SLC26A8: variants seen among roughly 807,000 people sequenced by gnomAD.
SLC26A8 encodes the protein testis anion transporter 1.
In SLC26A8, 70 loss-of-function variants were observed where a neutral mutation model predicts 105.0. The ratio of observed to expected loss-of-function variants is 0.67; its 90% CI spans 0.55 to 0.81. The LOEUF (loss-of-function observed/expected upper bound fraction) is 0.81. Among genes scored for constraint, SLC26A8 ranks in the 40% least tolerant of loss-of-function variants. SLC26A8 has a pLI of 0.00. For missense variants in SLC26A8, 998 were observed against 1,181.8 expected, an observed-to-expected ratio of 0.84 and a Z score of 2.28; for synonymous variants, 415 against 438.3, an observed-to-expected ratio of 0.95 and a Z score of 0.66.
At chr6:35,951,610 C>G in intron 17 of SLC26A8, 111 bp from the exon 18 acceptor site, 51 of 1,078,752 alleles carry the variant, frequency 4.7e-5, no homozygotes, top group Middle Eastern at 2.4e-4. Context: ...GACAGAGTCT[C>G]ACTCTGTCAC....
Position 35,997,741 on chromosome 6 carries a change from A to C in SLC26A8, c.624T>G (p.Ile208Met). The C allele has an allele frequency of 6.2e-7, 1 of 1,614,046 alleles. No individual in the cohort carries two copies. Among genetic ancestry groups the C allele is most frequent in the Non-Finnish European group, 8.5e-7 (1 of 1,179,968 alleles). The change falls in exon 5 of 20, where the codon ATT (isoleucine) becomes ATG (methionine). Residue 208 changes from isoleucine (I) to methionine (M), a missense_variant. Transcript: ENST00000490799. ...VATTTFLTGI[I>M]QLIMGVLGLG... ...GATTTGAAGACTCAGATCCTACCTG[A>C]ATAATCCCAGTCAGAAAAGTTGTGG...
At chr6:36,016,086 C>T (rs367731375) in intron 2 of SLC26A8, among the ~76,000 whole-genome samples, 4 of 151,916 alleles carry the variant, frequency 2.6e-5, no homozygotes, top group African/African-American at 7.3e-5. Context: ...CTCTGCCTCC[C>T]GGATTCAAGC....
chr6:35,987,094 G>A (rs1306907537), intron 7 of SLC26A8, among the ~76,000 whole-genome samples: 1 of 152,152 alleles, frequency 6.6e-6, no homozygotes, highest in Non-Finnish European at 1.5e-5. Flanking sequence ...CATTCAAAGG[G>A]AAAAGAATAT....
chr6:35,964,838 G>A (rs1772443686), intron 11 of SLC26A8, among the ~76,000 whole-genome samples: 1 of 150,502 alleles, frequency 6.6e-6, no homozygotes, highest in Non-Finnish European at 1.5e-5. Context: ...GTAGTGGCGT[G>A]CACCTGTAAT....
intron 16 of SLC26A8, among the ~76,000 whole-genome samples, chr6:35,957,356 A>G (rs1449420528): frequency 1.3e-5 from 2 of 152,080 alleles, no homozygotes; most frequent in Admixed American, 6.6e-5. Flanking sequence ...TTATTCTAAC[A>G]ATGTTGCTTG....
intron 2 of SLC26A8, among the ~76,000 whole-genome samples, chr6:36,013,577 C>T (rs1761921015): frequency 6.6e-6 from 1 of 152,156 alleles, no homozygotes; most frequent in African/African-American, 2.4e-5. Flanking sequence ...TTTTCTGGTC[C>T]AAAATGTCAA....
At chr6:35,949,815 T>C (rs975361830) in intron 19 of SLC26A8, among the ~76,000 whole-genome samples, 1 of 151,552 alleles carries the variant, frequency 6.6e-6, no homozygotes, top group Non-Finnish European at 1.5e-5. Flanking sequence ...GTGTGTTTTT[T>C]TGTTTTTTTT....
rs890309575 is a variant in SLC26A8 at position 35,981,809 on chromosome 6, G to A, written c.1025+312C>T. Among the ~76,000 whole-genome samples, 1 of 152,160 alleles carries A rather than the reference G, an allele frequency of 6.6e-6. No homozygotes were observed. Among genetic ancestry groups the A allele is most frequent in the Non-Finnish European group, 1.5e-5 (1 of 68,032 alleles). On this transcript the variant is annotated intron_variant, in intron 8 of 19. Transcript: ENST00000490799. This position sits in a 1 kb window ranked among gnomAD's most constrained non-coding sequence, Gnocchi z 4.0. Reference sequence around the variant, plus strand: ...TTGTCCACCCCTTGAGAATTAATCAGAGAGGTATAGTAGTTGAGAAGGCCT... The same window carrying A: ...TTGTCCACCCCTTGAGAATTAATCAAAGAGGTATAGTAGTTGAGAAGGCCT...
chr6:35,955,625 C>T (rs1442509260), intron 16 of SLC26A8, 105 bp from the exon 17 acceptor site: 3 of 1,418,314 alleles, frequency 2.1e-6, no homozygotes, highest in African/African-American at 2.9e-5. Flanking sequence ...GTCCCTCTCT[C>T]ATGAAACTTC....
At position 35,955,431 on chromosome 6, in the gene SLC26A8, G is replaced by A. The variant is rs755107983; in HGVS notation, c.1953C>T (p.Asn651=). Residue 651 remains asparagine (N), a synonymous_variant, in exon 17 of 20, where the codon AAC becomes AAT. Coordinates refer to ENST00000490799, the MANE Select transcript of SLC26A8 (RefSeq NM_052961.4). ...GGTCTTCGGATGCAGTTTGGCTTGTGTTCATGCTCTCAAAATGTGAGCAGT... is the reference window on the plus strand; with the variant it reads ...GGTCTTCGGATGCAGTTTGGCTTGTATTCATGCTCTCAAAATGTGAGCAGT... ...LIHCSHFESM[N]TSQTASEDQV... The A allele has an allele frequency of 1.9e-6, 3 of 1,614,106 alleles. No individual in the cohort carries two copies. In the Admixed American group the frequency reaches 5.0e-5, roughly 27 times the overall value.
At position 35,968,611 on chromosome 6, in the gene SLC26A8, ATATATATATATATATATATATATAT is replaced by A. The variant is rs1772637128; in HGVS notation, c.1365+241_1365+265del. 2.5e-4 allele frequency among the ~76,000 whole-genome samples: 11 copies of A among 44,116 alleles called. 1 individual carries two copies. The highest frequency in any genetic ancestry group is 1.3e-3 in the Admixed American group (5 of 3,730). The allele number at this position is 44,116 out of a possible 152,430, so 28.9% of individuals were successfully genotyped here. ...TGTATGTGTGTGTGTGTGTGTGTGT[ATATATATATATATATATATATATAT>A]ATATATATATATATATATCTCACAT... On this transcript the variant is annotated intron_variant, in intron 11 of 19. Coordinates refer to ENST00000490799, the MANE Select transcript of SLC26A8 (RefSeq NM_052961.4).
At chr6:36,015,363 G>A (rs149561454) in intron 2 of SLC26A8, among the ~76,000 whole-genome samples, 184 of 152,174 alleles carry the variant, frequency 1.2e-3, no homozygotes, top group African/African-American at 3.8e-3. Context: ...TGCCTGCCTC[G>A]GCCTCCCAGA....
chr6:35,953,097 C>A (rs1161586439), intron 17 of SLC26A8, among the ~76,000 whole-genome samples: 1 of 149,754 alleles, frequency 6.7e-6, no homozygotes, highest in Non-Finnish European at 1.5e-5. Context: ...AGAATGATTT[C>A]TTCCAATAAG....
At chr6:35,990,458 T>C (rs1011283927) in intron 7 of SLC26A8, 13 of 155,060 alleles carry the variant, frequency 8.4e-5, no homozygotes, top group Non-Finnish European at 1.6e-4. Flanking sequence ...CTTTGGCCCT[T>C]TGCCTGTTAT....
intron 5 of SLC26A8, among the ~76,000 whole-genome samples, chr6:35,994,275 C>T (rs1015629163): frequency 2.0e-5 from 3 of 151,234 alleles, no homozygotes; most frequent in Admixed American, 6.6e-5. Flanking sequence ...CCACCAAGCC[C>T]GGCTAATTTT....
chr6:36,020,138 C>T (rs1762095139), intron 1 of SLC26A8, among the ~76,000 whole-genome samples: 1 of 152,228 alleles, frequency 6.6e-6, no homozygotes, highest in Non-Finnish European at 1.5e-5. Context: ...TGTAACTCCT[C>T]TAAAATAGCA....
chr6:36,019,579 G>A lies in SLC26A8; in HGVS notation c.129C>T (p.Ala43=). The change falls in exon 2 of 20, where the codon GCC becomes GCT. Residue 43 remains alanine (A), a synonymous_variant. Transcript: ENST00000490799. ...TGATGTTCATGTTCCCAGAAGAGGA[G>A]GCCTTCCTTTTGTGTTCCTGTTGAA... The part of the protein sequence containing the change: ...ETFQQEHKRK[A]SSSGNMNINI... The A allele has an allele frequency of 1.2e-6, 2 of 1,614,122 alleles. No homozygotes were observed. The highest frequency in any genetic ancestry group is 1.7e-6 in the Non-Finnish European group (2 of 1,180,018).
intron 3 of SLC26A8, among the ~76,000 whole-genome samples, chr6:36,004,342 C>T (rs1340581970): frequency 6.6e-6 from 1 of 152,124 alleles, no homozygotes; most frequent in African/African-American, 2.4e-5. Flanking sequence ...TCCCAAAGTG[C>T]TAGGATTATA....
chr6:35,946,557 A>C (rs1415175700), intron 19 of SLC26A8, among the ~76,000 whole-genome samples: 1 of 152,202 alleles, frequency 6.6e-6, no homozygotes. Context: ...TTCAATACAC[A>C]TGAAATAGAA....
Sources: allele counts gnomAD v4.1 joint callset (sites outside exome capture counted in the v4.1 genomes callset), GRCh38; gene constraint gnomAD v4.1.1; non-coding constraint Gnocchi (gnomAD v3.1); transcripts MANE v1.5; gene names NCBI Gene and HGNC (gene_info 2026-07-23, HGNC 2026-07-21).